The following PRKAA1 variants were observed in gnomAD, a reference collection of about 807,000 sequenced individuals.
PRKAA1 encodes protein kinase AMP-activated catalytic subunit alpha 1, also known as 5'-AMP-activated protein kinase catalytic subunit alpha-1.
PRKAA1 carries 23 observed loss-of-function variants against 56.9 expected under a neutral mutation model. The observed-to-expected ratio is 0.40, with a 90% CI of 0.29 to 0.57. The LOEUF (loss-of-function observed/expected upper bound fraction) is 0.57, where lower values mean the gene tolerates loss of function less well. Ranked by LOEUF, PRKAA1 falls within the 20% of genes least tolerant of loss-of-function variation. The pLI is 0.39. For synonymous variants in PRKAA1, 226 were observed against 227.0 expected (o/e 1.00, Z 0.04); for missense variants, 413 against 679.7 (o/e 0.61, Z 4.36).
chr5:40,791,851 T>C (rs955760476), intron 1 of PRKAA1, among the ~76,000 whole-genome samples: 1 of 152,240 alleles, frequency 6.6e-6, no homozygotes, highest in Non-Finnish European at 1.5e-5. Flanking sequence ...GATTCCCTTA[T>C]CCTTCATCTG....
intron 2 of PRKAA1, among the ~76,000 whole-genome samples, chr5:40,775,850 G>A (rs960515525): frequency 1.3e-5 from 2 of 152,172 alleles, no homozygotes; most frequent in African/African-American, 4.8e-5. Context: ...TAGGAGGAAA[G>A]CGAAACTGGG....
intron 1 of PRKAA1, among the ~76,000 whole-genome samples, chr5:40,788,856 T>TA (rs1744603945): frequency 6.9e-6 from 1 of 145,498 alleles, no homozygotes; most frequent in East Asian, 2.1e-4. Context: ...CAAAAACAAA[T>TA]AGAGTGAAGA....
rs1743260068 is a variant in PRKAA1, at chr5:40,762,949, G to A, written c.1509C>T (p.Cys503=). The A allele has an allele frequency of 1.2e-6, 2 of 1,614,126 alleles. No individual in the cohort carries two copies. Among genetic ancestry groups the A allele is most frequent in the South Asian group, 1.1e-5 (1 of 91,074 alleles). Residue 503 remains cysteine, a synonymous_variant, in exon 9 of 9, where the codon TGC becomes TGT. Coordinates refer to ENST00000397128, the MANE Select transcript of PRKAA1 (RefSeq NM_006251.6). Reference sequence around the variant, plus strand: ...CCTCAGCATCTGAATCACTCCTTTGGCAAGATCGATAGTTGCTAACTGATC... The same window carrying A: ...CCTCAGCATCTGAATCACTCCTTTGACAAGATCGATAGTTGCTAACTGATC... ...RSGSVSNYRS[C]QRSDSDAEAQ... is the part of the protein sequence containing the mutation.
intron 3 of PRKAA1, among the ~76,000 whole-genome samples, chr5:40,773,134 C>T (rs1388293573): frequency 6.6e-6 from 1 of 152,120 alleles, no homozygotes. Flanking sequence ...AGACTTACAC[C>T]TTAAAGGGCA....
intron 1 of PRKAA1, among the ~76,000 whole-genome samples, chr5:40,796,320 GAAAAGAAAAAAGAA>G (rs544104119): frequency 6.7e-6 from 1 of 149,530 alleles, no homozygotes; most frequent in Non-Finnish European, 1.5e-5. Flanking sequence ...CCCATCTCGG[GAAAAGAAAAAAGAA>G]AAAAGAAAAA....
rs928771521 is a variant in PRKAA1, at chr5:40,768,477, G to C, written c.597-787C>G. Reference sequence around the variant, plus strand: ...TTTTATTCCTAAAAGAATTAAGATAGACAACACCATTTTTTTAAAAATTTT... The same window carrying C: ...TTTTATTCCTAAAAGAATTAAGATACACAACACCATTTTTTTAAAAATTTT... On this transcript the variant is annotated intron_variant, in intron 5 of 8. Coordinates refer to ENST00000397128, the MANE Select transcript of PRKAA1 (RefSeq NM_006251.6). 6 of 927,488 alleles carry C rather than the reference G, an allele frequency of 6.5e-6. No individual in the cohort carries two copies. In the African/African-American group the frequency reaches 1.1e-4, roughly 17 times the overall value. The allele number at this position is 927,488 out of a possible 1,614,324, so 57.5% of individuals were successfully genotyped here.
intron 1 of PRKAA1, among the ~76,000 whole-genome samples, chr5:40,790,489 T>A (rs981809654): frequency 6.6e-6 from 1 of 151,294 alleles, no homozygotes; most frequent in Non-Finnish European, 1.5e-5. Context: ...TGAATTTGTA[T>A]CCCAGCCTTC....
intron 1 of PRKAA1, among the ~76,000 whole-genome samples, chr5:40,796,050 C>G (rs1436799837): frequency 6.6e-6 from 1 of 152,222 alleles, no homozygotes; most frequent in Non-Finnish European, 1.5e-5. Context: ...GGCACAGTGG[C>G]TCACGCCTGT....
chr5:40,798,214 G>C lies in PRKAA1; in HGVS notation c.-25C>G. The C allele has an allele frequency of 3.3e-6, 2 of 608,022 alleles. No homozygotes were observed. Among genetic ancestry groups the C allele is most frequent in the Non-Finnish European group, 5.4e-6 (2 of 373,108 alleles). The allele number at this position is 608,022 out of a possible 1,614,324, so 37.7% of individuals were successfully genotyped here. A position where few individuals can be genotyped will look rare whatever the true frequency, so the allele number is the denominator to read the frequency against. On this transcript the variant is annotated 5_prime_UTR_variant, in exon 1 of 9. Transcript: ENST00000397128. ...TGGCGCTGCGGGAGGGGGCGGAGGG[G>C]GCGGGCAGGGCCGCGCCGGGGGCGG...
chr5:40,765,299 C>A (rs1743376893), intron 6 of PRKAA1, 61 bp from the exon 7 acceptor site: 16 of 1,477,910 alleles, frequency 1.1e-5, no homozygotes, highest in Non-Finnish European at 1.5e-5. Context: ...CTGAAAGTAA[C>A]AGTTTAGGGA....
At chr5:40,794,553 T>C (rs533903392) in intron 1 of PRKAA1, among the ~76,000 whole-genome samples, 1 of 129,436 alleles carries the variant, frequency 7.7e-6, no homozygotes, top group East Asian at 2.1e-4. Context: ...AGTCATTAAA[T>C]CCTTGCCTAA....
intron 1 of PRKAA1, among the ~76,000 whole-genome samples, chr5:40,797,425 A>G (rs1368437854): frequency 1.3e-5 from 2 of 152,208 alleles, no homozygotes; most frequent in Non-Finnish European, 2.9e-5. Flanking sequence ...AACGTAAACC[A>G]TGCATCGCAA....
At chr5:40,796,659 G>T (rs1189234744) in intron 1 of PRKAA1, among the ~76,000 whole-genome samples, 1 of 152,138 alleles carries the variant, frequency 6.6e-6, no homozygotes, top group Non-Finnish European at 1.5e-5. Context: ...TTCATAAGAA[G>T]GTTCAGGCAG....
rs2111993637 is a variant in PRKAA1, at chr5:40,767,703, A to G, written c.597-13T>C. 2 of 1,565,240 alleles carry G rather than the reference A, an allele frequency of 1.3e-6. No homozygotes were observed. Among genetic ancestry groups the G allele is most frequent in the Middle Eastern group, 1.7e-4 (1 of 5,908 alleles). Reference sequence around the variant, plus strand: ...GCCTGCATACAATCTGTAACAGGAAATAACAATTGGATTAAAGAATCATTT... The same window carrying G: ...GCCTGCATACAATCTGTAACAGGAAGTAACAATTGGATTAAAGAATCATTT... On this transcript the variant is annotated splice_polypyrimidine_tract_variant and intron_variant, in intron 5 of 8. Transcript: ENST00000397128.
At chr5:40,768,402 T>C in intron 5 of PRKAA1, 1 of 912,474 alleles carries the variant, frequency 1.1e-6, no homozygotes, top group Non-Finnish European at 1.3e-6. Flanking sequence ...ATAACATTTC[T>C]TTTTATTTAT....
At chr5:40,775,343 T>C (rs1008210849) in intron 3 of PRKAA1, 67 bp downstream of exon 3, 6 of 1,290,256 alleles carry the variant, frequency 4.7e-6, no homozygotes, top group Middle Eastern at 1.8e-4. Context: ...GTTGCTGACA[T>C]TTTGATGCTA....
chr5:40,770,198 C>A (rs1163867929), intron 4 of PRKAA1, among the ~76,000 whole-genome samples: 2 of 152,126 alleles, frequency 1.3e-5, no homozygotes, highest in African/African-American at 4.8e-5. Flanking sequence ...CATGGTGGCT[C>A]ACGCCTGTAA....
chr5:40,768,568 G>A, intron 5 of PRKAA1: 2 of 1,013,456 alleles, frequency 2.0e-6, no homozygotes, highest in Non-Finnish European at 2.4e-6. Flanking sequence ...TCTAAAATTA[G>A]GTACTCCTGC....
intron 3 of PRKAA1, 49 bp downstream of exon 3, chr5:40,775,361 A>C (rs1220309735): frequency 1.6e-5 from 23 of 1,418,278 alleles, no homozygotes; most frequent in Non-Finnish European, 2.2e-5. Context: ...CTAGTAAAGG[A>C]TAAAGGGGAG....
Sources: allele counts gnomAD v4.1 joint callset (sites outside exome capture counted in the v4.1 genomes callset), GRCh38; gene constraint gnomAD v4.1.1; transcripts MANE v1.5; gene names NCBI Gene and HGNC (gene_info 2026-07-23, HGNC 2026-07-21).